Variants in HARBI1 observed in about 807,000 individuals in gnomAD.
HARBI1 encodes putative nuclease HARBI1.
HARBI1 carries 15 observed loss-of-function variants against 25.3 expected under a neutral mutation model. The ratio of observed to expected loss-of-function variants is 0.59; its 90% CI spans 0.40 to 0.91. HARBI1 has a LOEUF of 0.91. Ranked by LOEUF, HARBI1 falls within the 40% of genes least tolerant of loss-of-function variation. HARBI1 has a pLI of 0.00. For synonymous variants in HARBI1, 168 were observed against 160.5 expected, an observed-to-expected ratio of 1.05 and a Z score of -0.35; for missense variants, 396 against 445.8, an observed-to-expected ratio of 0.89 and a Z score of 1.01.
rs527494685 is a variant in HARBI1, at chr11:46,608,299, AAACAAC to A, written c.671-4396_671-4391del. 1.1e-3 allele frequency among the ~76,000 whole-genome samples: 162 copies of A among 151,972 alleles called. 1 individual carries two copies. In the South Asian group the frequency reaches 0.031, roughly 29 times the overall value. ...GGCAACAAGAGCGAAACTCCATCTCAAACAACAACAACAACAACAACAACAAAAATA... is the reference window on the plus strand; with the variant it reads ...GGCAACAAGAGCGAAACTCCATCTCAAACAACAACAACAACAACAAAAATA... On this transcript the variant is annotated intron_variant, in intron 2 of 2. Coordinates refer to ENST00000326737, the MANE Select transcript of HARBI1 (RefSeq NM_173811.4).
intron 2 of HARBI1, among the ~76,000 whole-genome samples, chr11:46,606,280 A>G (rs2044946174): frequency 6.6e-6 from 1 of 151,844 alleles, no homozygotes; most frequent in Non-Finnish European, 1.5e-5. Flanking sequence ...TCCATGACTC[A>G]TTGAACACCT....
At chr11:46,608,386 A>T (rs916144377) in intron 2 of HARBI1, among the ~76,000 whole-genome samples, 5 of 152,202 alleles carry the variant, frequency 3.3e-5, no homozygotes, top group African/African-American at 1.2e-4. Context: ...AATCCTGCCA[A>T]TCTTCCCATA....
intron 2 of HARBI1, chr11:46,604,386 C>G: frequency 1.2e-6 from 1 of 864,410 alleles, no homozygotes; most frequent in Non-Finnish European, 1.4e-6. Context: ...ACCTGGGCGA[C>G]AAGCGCGAAA....
At chr11:46,613,699 T>C (rs2045273046) in intron 2 of HARBI1, among the ~76,000 whole-genome samples, 1 of 151,914 alleles carries the variant, frequency 6.6e-6, no homozygotes, top group Non-Finnish European at 1.5e-5. Context: ...GACAGGCTGG[T>C]CTTGAACGCC....
At position 46,603,501 on chromosome 11, in the gene HARBI1, G is replaced by A. The variant is rs202159962; in HGVS notation, c.*29C>T. 22 of 1,543,494 alleles carry A rather than the reference G, an allele frequency of 1.4e-5. No homozygotes were observed. The highest frequency in any genetic ancestry group is 1.9e-5 in the Non-Finnish European group (22 of 1,142,046). On this transcript the variant is annotated 3_prime_UTR_variant, in exon 3 of 3. Transcript: ENST00000326737. ...GGAGGAAAGTCTGTCACAACTCCTG[G>A]GAAGTATCCCTCCTCTCCACCTTCT...
rs1278756285 is a variant in HARBI1, at chr11:46,615,782, A to G, written c.456T>C (p.His152=). ...PGVMGVVDCI[H]VAIKAPNAED... is the part of the protein sequence containing the mutation. ...CAGCATTTGGTGCCTTGATGGCCAC[A>G]TGGATACAGTCAACCACCCCCATCA... Residue 152 remains histidine, a synonymous_variant, in exon 2 of 3, where the codon CAT becomes CAC. Transcript: ENST00000326737. 8.1e-6 allele frequency: 13 copies of G among 1,614,062 alleles called. No homozygotes were observed. Among genetic ancestry groups the G allele is most frequent in the East Asian group, 2.2e-5 (1 of 44,892 alleles).
intron 2 of HARBI1, among the ~76,000 whole-genome samples, chr11:46,608,282 G>A (rs2045034451): frequency 6.6e-6 from 1 of 152,006 alleles, no homozygotes; most frequent in East Asian, 1.9e-4. Flanking sequence ...TGGGCAACAA[G>A]AGCGAAACTC....
chr11:46,608,764 C>T (rs574818812), intron 2 of HARBI1, among the ~76,000 whole-genome samples: 3 of 146,880 alleles, frequency 2.0e-5, no homozygotes, highest in Non-Finnish European at 3.0e-5. Context: ...TACAGGCATG[C>T]GCCACCAGGC....
upstream of HARBI1, chr11:46,617,628 C>T (rs1312077580): frequency 1.7e-5 from 4 of 231,794 alleles, no homozygotes; most frequent in Non-Finnish European, 3.2e-5. Context: ...GGGCTTAAGG[C>T]GGGAGTGACC....
In HARBI1 at chr11:46,603,627, A is replaced by G. The variant is rs968462363; in HGVS notation, c.953T>C (p.Met318Thr). The G allele has an allele frequency of 6.2e-7, 1 of 1,614,064 alleles. No individual in the cohort carries two copies. Among genetic ancestry groups the G allele is most frequent in the Non-Finnish European group, 8.5e-7 (1 of 1,180,034 alleles). ...ATACTCCTCTTCCGGGGGCTGTTCC[A>G]TGGGTCCTGTCATTGGAGAGGACCA... ...DVWSSPMTGP[M>T]EQPPEEEYEH... Residue 318 changes from methionine to threonine, a missense_variant, in exon 3 of 3, where the codon ATG becomes ACG. Coordinates refer to ENST00000326737, the MANE Select transcript of HARBI1 (RefSeq NM_173811.4).
In HARBI1 at chr11:46,603,826, C is replaced by T. The variant is rs1301701017; in HGVS notation, c.754G>A (p.Ala252Thr). 1 of 1,614,058 alleles carries T rather than the reference C, an allele frequency of 6.2e-7. No homozygotes were observed. Among genetic ancestry groups the T allele is most frequent in the Admixed American group, 1.7e-5 (1 of 59,994 alleles). ...ETPAEYRYNM[A>T]HSATHSVIEK... Reference sequence around the variant, plus strand: ...ATCACACTGTGAGTTGCAGAATGGGCCATGTTATAGCGATATTCTGCTGGA... The same window carrying T: ...ATCACACTGTGAGTTGCAGAATGGGTCATGTTATAGCGATATTCTGCTGGA... Residue 252 changes from alanine (A) to threonine (T), a missense_variant, in exon 3 of 3, where the codon GCC becomes ACC. Ala to Thr is a moderately conservative substitution (Grantham distance 58, BLOSUM62 0). Coordinates refer to ENST00000326737, the MANE Select transcript of HARBI1 (RefSeq NM_173811.4).
In HARBI1 at chr11:46,615,779, C is replaced by T. The variant is rs2045379436; in HGVS notation, c.459G>A (p.Val153=). 3 of 1,614,196 alleles carry T rather than the reference C, an allele frequency of 1.9e-6. No homozygotes were observed. The highest frequency in any genetic ancestry group is 1.7e-5 in the Admixed American group (1 of 60,018). The change falls in exon 2 of 3, where the codon GTG becomes GTA. Residue 153 remains valine (V), a synonymous_variant. Coordinates refer to ENST00000326737, the MANE Select transcript of HARBI1 (RefSeq NM_173811.4). ...GVMGVVDCIH[V]AIKAPNAEDL... is the part of the protein sequence containing the mutation. The stretch of plus-strand genomic sequence containing the variant: ...CTTCAGCATTTGGTGCCTTGATGGC[C>T]ACATGGATACAGTCAACCACCCCCA...
At chr11:46,613,534 G>A (rs1457287958) in intron 2 of HARBI1, among the ~76,000 whole-genome samples, 6 of 145,272 alleles carry the variant, frequency 4.1e-5, no homozygotes, top group Non-Finnish European at 7.5e-5. Flanking sequence ...CCAGGCTGGA[G>A]TGCAGTGGCA....
chr11:46,613,805 G>T (rs1175692960), intron 2 of HARBI1, among the ~76,000 whole-genome samples: 1 of 151,488 alleles, frequency 6.6e-6, no homozygotes, highest in Non-Finnish European at 1.5e-5. Flanking sequence ...TATTTCAGGG[G>T]ATTGTTTCAT....
chr11:46,616,414 C>T, intron 1 of HARBI1, 33 bp from the exon 2 acceptor site: 7 of 1,417,528 alleles, frequency 4.9e-6, no homozygotes, highest in Non-Finnish European at 6.4e-6. Flanking sequence ...CATTAGGAAC[C>T]TACCAAAGAC....
intron 1 of HARBI1, chr11:46,616,630 A>T: frequency 9.9e-7 from 1 of 1,010,192 alleles, no homozygotes; most frequent in Non-Finnish European, 1.2e-6. Flanking sequence ...CAAAAGAATA[A>T]TGGAGGTGAT....
chr11:46,604,676 A>G lies in HARBI1; in HGVS notation c.671-767T>C, dbSNP rs2044870013. On this transcript the variant is annotated intron_variant, in intron 2 of 2. Coordinates refer to ENST00000326737, the MANE Select transcript of HARBI1 (RefSeq NM_173811.4). The stretch of plus-strand genomic sequence containing the variant: ...ACAGTAATTTATTCTCCCAGTGCTA[A>G]GAAGAATAAGATAAAAGTCCGAGCA... 4 of 985,214 alleles carry G rather than the reference A, an allele frequency of 4.1e-6. No homozygotes were observed. The African/African-American group carries it at 7.0e-5, about 17-fold the overall frequency. The allele number at this position is 985,214 out of a possible 1,614,324, so 61.0% of individuals were successfully genotyped here.
chr11:46,614,977 ATCTT>A (rs1476367243), intron 2 of HARBI1, among the ~76,000 whole-genome samples: 1 of 151,984 alleles, frequency 6.6e-6, no homozygotes, highest in East Asian at 1.9e-4. Flanking sequence ...CACTGGCGCG[ATCTT>A]GGCTAACCGC....
At position 46,615,911 on chromosome 11, in the gene HARBI1, T is replaced by C. The variant is rs367932622; in HGVS notation, c.327A>G (p.Glu109=). Residue 109 remains glutamate (E), a synonymous_variant, in exon 2 of 3, where the codon GAA becomes GAG. Coordinates refer to ENST00000326737, the MANE Select transcript of HARBI1 (RefSeq NM_173811.4). ...SMSRCVANVT[E]ALVERASQFI... ...ACTGTGAGGCCCTTTCCACAAGTGCTTCAGTGACATTGGCAACACAACGAC... is the reference window on the plus strand; with the variant it reads ...ACTGTGAGGCCCTTTCCACAAGTGCCTCAGTGACATTGGCAACACAACGAC... 2.5e-6 allele frequency: 4 copies of C among 1,614,186 alleles called. No individual in the cohort carries two copies. The South Asian group carries it at 4.4e-5, about 18-fold the overall frequency.
Sources: allele counts gnomAD v4.1 joint callset (sites outside exome capture counted in the v4.1 genomes callset), GRCh38; gene constraint gnomAD v4.1.1; transcripts MANE v1.5; gene names NCBI Gene and HGNC (gene_info 2026-07-23, HGNC 2026-07-21).